RALGPS1: variants seen among roughly 807,000 people sequenced by gnomAD.
RALGPS1 encodes the protein Ral GEF with PH domain and SH3 binding motif 1.
RALGPS1 carries 19 observed loss-of-function variants against 78.8 expected under a neutral mutation model. The observed-to-expected ratio is 0.24, with a 90% CI of 0.17 to 0.35. The LOEUF (loss-of-function observed/expected upper bound fraction) is 0.35, where lower values mean the gene tolerates loss of function less well. Among genes scored for constraint, RALGPS1 ranks in the 10% least tolerant of loss-of-function variants. The pLI, the probability that RALGPS1 is intolerant of heterozygous loss-of-function variation, is 1.00. For missense variants in RALGPS1, 454 were observed against 688.3 expected, an observed-to-expected ratio of 0.66 and a Z score of 3.81; for synonymous variants, 228 against 256.3, an observed-to-expected ratio of 0.89 and a Z score of 1.06.
intron 14 of RALGPS1, among the ~76,000 whole-genome samples, chr9:127,200,535 A>T (rs1246115448): frequency 6.6e-6 from 1 of 152,240 alleles, no homozygotes; most frequent in Non-Finnish European, 1.5e-5. Context: ...GCTTGGCCAG[A>T]TACGGGGACT....
chr9:127,148,673 CT>C (rs983035142), intron 8 of RALGPS1, among the ~76,000 whole-genome samples: 2 of 152,112 alleles, frequency 1.3e-5, no homozygotes, highest in African/African-American at 4.8e-5. Context: ...GTCTCCCTAC[CT>C]CCTGTACTAC....
In RALGPS1 at chr9:127,093,861, T is replaced by C. The variant is rs746328166; in HGVS notation, c.610+24505T>C. 3.1e-6 allele frequency: 5 copies of C among 1,614,076 alleles called. No individual in the cohort carries two copies. The South Asian group carries it at 5.5e-5, about 18-fold the overall frequency. On this transcript the variant is annotated intron_variant, in intron 8 of 18. Transcript: ENST00000259351. ...ATGAGGCGGTTGGTGTTCTCCGGCTTCACCAGGTAGATGGAGCTGGTGTCG... is the reference window on the plus strand; with the variant it reads ...ATGAGGCGGTTGGTGTTCTCCGGCTCCACCAGGTAGATGGAGCTGGTGTCG...
intron 8 of RALGPS1, among the ~76,000 whole-genome samples, chr9:127,165,226 G>A (rs2059232709): frequency 6.6e-6 from 1 of 152,254 alleles, no homozygotes; most frequent in South Asian, 2.1e-4. Context: ...CTCCTGGAGG[G>A]CAGCTGAAAG....
intron 8 of RALGPS1, chr9:127,087,243 G>T (rs1378381053): frequency 6.6e-6 from 1 of 152,448 alleles, no homozygotes; most frequent in African/African-American, 2.4e-5. Flanking sequence ...TCTGGTGTGT[G>T]TCCTGGTGCC....
At chr9:127,145,615 A>G (rs549853266) in intron 8 of RALGPS1, among the ~76,000 whole-genome samples, 2 of 152,204 alleles carry the variant, frequency 1.3e-5, no homozygotes, top group African/African-American at 4.8e-5. Context: ...GGAGGGCTGC[A>G]TGGAGGCACA....
At chr9:127,187,659 G>A (rs1160748916) in intron 11 of RALGPS1, among the ~76,000 whole-genome samples, 1 of 152,228 alleles carries the variant, frequency 6.6e-6, no homozygotes, top group Non-Finnish European at 1.5e-5. Context: ...CTGAGTCAGG[G>A]TGGGAGCCAG....
intron 7 of RALGPS1, 61 bp downstream of exon 7, chr9:127,053,000 A>C (rs2048419566): frequency 8.7e-7 from 1 of 1,151,090 alleles, no homozygotes; most frequent in Non-Finnish European, 1.3e-6. Context: ...GAAGTTCTTC[A>C]TTCCACAAGC....
chr9:127,017,825 C>G (rs540819753), intron 4 of RALGPS1, among the ~76,000 whole-genome samples: 1 of 152,120 alleles, frequency 6.6e-6, no homozygotes, highest in Non-Finnish European at 1.5e-5. Context: ...TACTCAGGGT[C>G]AGCATCGTAA....
chr9:127,207,716 C>T (rs1194880254), intron 14 of RALGPS1, among the ~76,000 whole-genome samples: 1 of 152,130 alleles, frequency 6.6e-6, no homozygotes, highest in Non-Finnish European at 1.5e-5. Context: ...TTGCCCTGCC[C>T]AGCACGGTCC....
At chr9:127,152,832 T>C (rs1444949759) in intron 8 of RALGPS1, among the ~76,000 whole-genome samples, 3 of 152,190 alleles carry the variant, frequency 2.0e-5, no homozygotes, top group African/African-American at 7.2e-5. Context: ...AGGAATTTTT[T>C]CTCAAGTAAC....
intron 14 of RALGPS1, among the ~76,000 whole-genome samples, chr9:127,209,802 A>G (rs1404592680): frequency 6.6e-6 from 1 of 152,156 alleles, no homozygotes; most frequent in Non-Finnish European, 1.5e-5. Context: ...CACACTACCC[A>G]CAGGTACTGA....
At position 126,945,268 on chromosome 9, in the gene RALGPS1, G is replaced by A. The variant is rs543949687; in HGVS notation, c.-65-16957G>A. Among the ~76,000 whole-genome samples the A allele has an allele frequency of 5.3e-5, 8 of 152,078 alleles. No individual in the cohort carries two copies. In the South Asian group the frequency reaches 1.2e-3, roughly 24 times the overall value. Reference sequence around the variant, plus strand: ...GGCTGGAGTGCGGTGGCACAATCTCGGCTCACTGCAACCTCCGCCTCCCTG... The same window carrying A: ...GGCTGGAGTGCGGTGGCACAATCTCAGCTCACTGCAACCTCCGCCTCCCTG... On this transcript the variant is annotated intron_variant, in intron 1 of 18. Coordinates refer to ENST00000259351, the MANE Select transcript of RALGPS1 (RefSeq NM_014636.3).
intron 8 of RALGPS1, among the ~76,000 whole-genome samples, chr9:127,141,175 A>G (rs543705222): frequency 2.4e-4 from 37 of 152,032 alleles, no homozygotes; most frequent in Non-Finnish European, 1.0e-4. Context: ...ACCGATGCAA[A>G]GATAGGGCTT....
intron 4 of RALGPS1, among the ~76,000 whole-genome samples, chr9:127,025,340 A>G (rs1358531671): frequency 1.3e-5 from 2 of 152,210 alleles, no homozygotes; most frequent in Non-Finnish European, 2.9e-5. Context: ...GAAATAGAGA[A>G]TGAAGTTGCC....
chr9:127,030,020 GTCTTTGTGATAAACATTCT>G (rs1279856734), intron 4 of RALGPS1, among the ~76,000 whole-genome samples: 1 of 152,178 alleles, frequency 6.6e-6, no homozygotes, highest in Non-Finnish European at 1.5e-5. Context: ...TTTCCACAGT[GTCTTTGTGATAAACATTCT>G]TCTTTGACTG....
rs886563253 is a variant in RALGPS1, at chr9:127,077,127, A to G, written c.610+7771A>G. 2.0e-5 allele frequency among the ~76,000 whole-genome samples: 3 copies of G among 152,140 alleles called. No homozygotes were observed. In the South Asian group the frequency reaches 6.2e-4, roughly 32 times the overall value. On this transcript the variant is annotated intron_variant, in intron 8 of 18. Coordinates refer to ENST00000259351, the MANE Select transcript of RALGPS1 (RefSeq NM_014636.3). ...AACCTAGAAGCAGGAGGGAGCCATG[A>G]AAGGGTTTTAAGCAAGGGCATGCTG...
At chr9:126,941,965 T>G (rs2036834119) in intron 1 of RALGPS1, among the ~76,000 whole-genome samples, 1 of 152,198 alleles carries the variant, frequency 6.6e-6, no homozygotes, top group Non-Finnish European at 1.5e-5. Context: ...GGCTTAGTGC[T>G]TTACAAAAAA....
At position 126,914,819 on chromosome 9, in the gene RALGPS1, C is replaced by G. The variant is rs535545140; in HGVS notation, c.-222C>G. The G allele has an allele frequency of 2.0e-4, 31 of 152,382 alleles. No individual in the cohort carries two copies. Among genetic ancestry groups the G allele is most frequent in the African/African-American group, 6.0e-4 (25 of 41,568 alleles). 9.4% of individuals were successfully genotyped at this position (152,382 alleles called of 1,614,324 possible). A position where few individuals can be genotyped will look rare whatever the true frequency, so the allele number is the denominator to read the frequency against. ...GGACGGTTCCTACTGCGGCTGGGCA[C>G]CGGCTCCGCTCCCGCGTCTGCCCGC... On this transcript the variant is annotated 5_prime_UTR_variant, in exon 1 of 19. Coordinates refer to ENST00000259351, the MANE Select transcript of RALGPS1 (RefSeq NM_014636.3).
intron 8 of RALGPS1, among the ~76,000 whole-genome samples, chr9:127,079,236 T>C (rs1357064791): frequency 6.6e-6 from 1 of 152,090 alleles, no homozygotes; most frequent in East Asian, 1.9e-4. Flanking sequence ...GTGGATTGAG[T>C]GGACACTGGT....
Sources: allele counts gnomAD v4.1 joint callset (sites outside exome capture counted in the v4.1 genomes callset), GRCh38; gene constraint gnomAD v4.1.1; transcripts MANE v1.5; gene names NCBI Gene and HGNC (gene_info 2026-07-23, HGNC 2026-07-21).